The following FAM120B variants were observed in gnomAD, a reference collection of about 807,000 sequenced individuals.
FAM120B encodes family with sequence similarity 120 member B, also known as constitutive coactivator of peroxisome proliferator-activated receptor gamma.
FAM120B carries 83 observed loss-of-function variants against 96.3 expected under a neutral mutation model. The ratio of observed to expected loss-of-function variants is 0.86; its 90% CI spans 0.72 to 1.03. The LOEUF (loss-of-function observed/expected upper bound fraction) is 1.03, where lower values mean the gene tolerates loss of function less well. Ranked by LOEUF, FAM120B falls within the 50% of genes least tolerant of loss-of-function variation. FAM120B has a pLI of 0.00. For missense variants in FAM120B, 1,027 were observed against 1,121.2 expected, an observed-to-expected ratio of 0.92 and a Z score of 1.20; for synonymous variants, 407 against 402.7, an observed-to-expected ratio of 1.01 and a Z score of -0.13.
intron 1 of FAM120B, among the ~76,000 whole-genome samples, chr6:170,299,909 C>T (rs186715700): frequency 4.7e-4 from 71 of 152,308 alleles, no homozygotes; most frequent in African/African-American, 1.7e-3. Context: ...TGCAGCAGTA[C>T]CAGACATCTT....
chr6:170,359,609 C>T (rs1282837829), intron 6 of FAM120B, among the ~76,000 whole-genome samples: 1 of 151,980 alleles, frequency 6.6e-6, no homozygotes, highest in Non-Finnish European at 1.5e-5. Flanking sequence ...TGTGCGTGTA[C>T]ATGTGTGTGT....
intron 1 of FAM120B, among the ~76,000 whole-genome samples, chr6:170,299,284 T>C (rs1354458214): frequency 6.6e-6 from 1 of 152,236 alleles, no homozygotes; most frequent in Non-Finnish European, 1.5e-5. Context: ...TCAGGTTTGG[T>C]GATTTGCATG....
chr6:170,337,981 C>T (rs1434646201), intron 4 of FAM120B, among the ~76,000 whole-genome samples: 1 of 152,132 alleles, frequency 6.6e-6, no homozygotes, highest in Non-Finnish European at 1.5e-5. Flanking sequence ...AAAAACCCAG[C>T]TCCTGGATTC....
Position 170,310,128 on chromosome 6 carries a change from G to T in FAM120B, c.-22+3286G>T, listed in dbSNP as rs553339401. 2.0e-5 allele frequency among the ~76,000 whole-genome samples: 3 copies of T among 152,276 alleles called. No individual in the cohort carries two copies. In the East Asian group the frequency reaches 5.8e-4, roughly 29 times the overall value. On this transcript the variant is annotated intron_variant, in intron 1 of 10. Coordinates refer to ENST00000476287, the MANE Select transcript of FAM120B (RefSeq NM_032448.3). ...TCTACTATGGGTTTAGGAGCTAATT[G>T]TTAGAACTGATTAGAAAGGTAGTCC...
intron 6 of FAM120B, 71 bp from the exon 7 acceptor site, chr6:170,388,216 A>C: frequency 7.5e-7 from 1 of 1,333,640 alleles, no homozygotes; most frequent in Non-Finnish European, 1.1e-6. Flanking sequence ...GTAACTTTGC[A>C]GAGCTGAGAT....
At chr6:170,299,859 A>T (rs1215359634) in intron 1 of FAM120B, among the ~76,000 whole-genome samples, 1 of 152,228 alleles carries the variant, frequency 6.6e-6, no homozygotes, top group African/African-American at 2.4e-5. Context: ...TCTGACATCC[A>T]TGCCCTGTCA....
intron 4 of FAM120B, among the ~76,000 whole-genome samples, chr6:170,335,865 T>G (rs1448240177): frequency 1.3e-5 from 2 of 152,244 alleles, no homozygotes; most frequent in Non-Finnish European, 2.9e-5. Context: ...TTTTGAGAAG[T>G]GTCTGTTCAT....
chr6:170,343,162 C>T (rs558705398), intron 4 of FAM120B, among the ~76,000 whole-genome samples: 136 of 152,316 alleles, frequency 8.9e-4, no homozygotes, highest in African/African-American at 3.1e-3. Context: ...TCCACACCCT[C>T]CCCTGGATAA....
At chr6:170,306,187 C>A (rs1436025998), upstream of FAM120B, among the ~76,000 whole-genome samples, 1 of 152,234 alleles carries the variant, frequency 6.6e-6, no homozygotes, top group Non-Finnish European at 1.5e-5. Flanking sequence ...GTGCTCAGCG[C>A]TGACTGGGGC....
chr6:170,397,565 T>A (rs2115333934), intron 9 of FAM120B, among the ~76,000 whole-genome samples: 1 of 152,128 alleles, frequency 6.6e-6, no homozygotes, highest in East Asian at 1.9e-4. Context: ...TGAGACCTCA[T>A]TGACCACATC....
intron 6 of FAM120B, among the ~76,000 whole-genome samples, chr6:170,374,239 T>C (rs1789378350): frequency 6.6e-6 from 1 of 152,262 alleles, no homozygotes; most frequent in African/African-American, 2.4e-5. Context: ...ATTGGTTGTT[T>C]TGCCCATTTT....
chr6:170,373,331 A>G lies in FAM120B; in HGVS notation c.2284-14956A>G, dbSNP rs183739860. Among the ~76,000 whole-genome samples, 585 of 152,326 alleles carry G rather than the reference A, an allele frequency of 3.8e-3. 3 individuals are homozygous for G. The highest frequency in any genetic ancestry group is 0.013 in the African/African-American group (540 of 41,578). On this transcript the variant is annotated intron_variant, in intron 6 of 10. Transcript: ENST00000476287. Reference sequence around the variant, plus strand: ...GACAAGCCAAAGGCCATACCTTTCAATCATATTGAAGTGGTGATGTGAGCC... The same window carrying G: ...GACAAGCCAAAGGCCATACCTTTCAGTCATATTGAAGTGGTGATGTGAGCC...
intron 6 of FAM120B, among the ~76,000 whole-genome samples, chr6:170,385,246 A>G (rs1790122608): frequency 6.6e-6 from 1 of 152,268 alleles, no homozygotes; most frequent in East Asian, 1.9e-4. Flanking sequence ...GAAAAAGCAG[A>G]AACCACAGTG....
chr6:170,360,659 C>T (rs569840561), intron 6 of FAM120B, among the ~76,000 whole-genome samples: 2 of 152,260 alleles, frequency 1.3e-5, no homozygotes, highest in East Asian at 3.9e-4. Context: ...GAAGTGGGAC[C>T]TGTGCCAATT....
intron 1 of FAM120B, among the ~76,000 whole-genome samples, chr6:170,310,321 C>G (rs900266847): frequency 6.6e-6 from 1 of 152,182 alleles, no homozygotes; most frequent in African/African-American, 2.4e-5. Context: ...TGATCCTCCT[C>G]TCAGAGCCCA....
intron 1 of FAM120B, among the ~76,000 whole-genome samples, chr6:170,315,862 G>A (rs886395469): frequency 2.0e-5 from 3 of 151,356 alleles, no homozygotes; most frequent in African/African-American, 4.9e-5. Context: ...CGAGAGGATC[G>A]CTTGAGTTCG....
At position 170,361,238 on chromosome 6, in the gene FAM120B, A is replaced by G. The variant is rs1203074776; in HGVS notation, c.2283+2920A>G. On this transcript the variant is annotated intron_variant, in intron 6 of 10. Transcript: ENST00000476287. ...TATATATATATATATATATATATAC[A>G]CGTATATATATATATACGTGTATAT... Among the ~76,000 whole-genome samples, 47 of 74,750 alleles carry G rather than the reference A, an allele frequency of 6.3e-4. 1 individual carries two copies. In the East Asian group the frequency reaches 0.054, roughly 87 times the overall value. 49.0% of individuals were successfully genotyped at this position (74,750 alleles called of 152,430 possible). A position where few individuals can be genotyped will look rare whatever the true frequency, so the allele number is the denominator to read the frequency against.
At chr6:170,353,410 A>G (rs1787703868) in intron 5 of FAM120B, among the ~76,000 whole-genome samples, 1 of 152,258 alleles carries the variant, frequency 6.6e-6, no homozygotes, top group African/African-American at 2.4e-5. Flanking sequence ...TGAGTCCAGC[A>G]TCATCCTGAT....
chr6:170,290,769 T>G (rs1431676923), upstream of FAM120B: 2 of 508,742 alleles, frequency 3.9e-6, no homozygotes, highest in Admixed American at 3.5e-5. The surrounding 1 kb of genome is among the most constrained non-coding windows in gnomAD (Gnocchi z 4.7). Flanking sequence ...ACAGCAAAGA[T>G]CCGCGTCTTT....
Sources: gnomAD v4.1 joint callset for allele counts (sites outside exome capture counted in the v4.1 genomes callset) on GRCh38, gnomAD v4.1.1 for gene constraint, Gnocchi (gnomAD v3.1) non-coding constraint, MANE v1.5 for transcripts, NCBI Gene and HGNC (gene_info 2026-07-23, HGNC 2026-07-21) for gene names.